The following AFAP1 variants were observed in gnomAD, a reference collection of about 807,000 sequenced individuals.
AFAP1 encodes the protein actin filament associated protein 1, also known as actin filament-associated protein 1.
In AFAP1, 75 loss-of-function variants were observed where a neutral mutation model predicts 93.9. That is an observed-to-expected ratio of 0.80 (90% CI 0.66 to 0.97). The LOEUF is 0.97. AFAP1 is among the 50% of genes least tolerant of loss of function. The probability of loss-of-function intolerance (pLI) is 0.00; values close to 1 mark genes in which losing one functional copy is unlikely to be tolerated. For missense variants in AFAP1, 1,201 were observed against 1,050.8 expected (o/e 1.14, Z -1.98); for synonymous variants, 517 against 430.7 (o/e 1.20, Z -2.48).
At chr4:7,803,489 T>C (rs1415584816) in intron 9 of AFAP1, among the ~76,000 whole-genome samples, 1 of 151,310 alleles carries the variant, frequency 6.6e-6, no homozygotes, top group Non-Finnish European at 1.5e-5. Flanking sequence ...AAGAGGGCAA[T>C]TCCTAGCCAC....
chr4:7,912,425 T>C (rs1266782287), intron 1 of AFAP1, among the ~76,000 whole-genome samples: 1 of 152,246 alleles, frequency 6.6e-6, no homozygotes, highest in Non-Finnish European at 1.5e-5. Flanking sequence ...GCCAGCCAAG[T>C]GTGAGTGATT....
chr4:7,766,143 A>C (rs1714535412), intron 17 of AFAP1, among the ~76,000 whole-genome samples: 1 of 152,222 alleles, frequency 6.6e-6, no homozygotes, highest in Admixed American at 6.5e-5. Context: ...CCAAGCCACA[A>C]TGCCGACAAC....
chr4:7,931,781 A>G (rs1721081297), intron 1 of AFAP1, among the ~76,000 whole-genome samples: 1 of 152,152 alleles, frequency 6.6e-6, no homozygotes, highest in Non-Finnish European at 1.5e-5. Context: ...ATGCATATAC[A>G]CAAAATTTTT....
At position 7,761,463 on chromosome 4, in the gene AFAP1, C is replaced by CT. The variant is rs1713786544; in HGVS notation, c.*2301dup. On this transcript the variant is annotated 3_prime_UTR_variant, in exon 18 of 18. Coordinates refer to ENST00000420658, the MANE Select transcript of AFAP1 (RefSeq NM_001134647.2). Reference sequence around the variant, plus strand: ...CAAGTCCCTGCTAAGGCTCCGGGGCCTCCTTGCCTGGTGAGGAAGCTGGTG... The same window carrying CT: ...CAAGTCCCTGCTAAGGCTCCGGGGCCTTCCTTGCCTGGTGAGGAAGCTGGTG... 6.6e-6 allele frequency: 1 copy of CT among 152,280 alleles called. No individual in the cohort carries two copies. Among genetic ancestry groups the CT allele is most frequent in the Admixed American group, 6.5e-5 (1 of 15,288 alleles). 9.4% of individuals were successfully genotyped at this position (152,280 alleles called of 1,614,324 possible).
At chr4:7,871,515 T>G (rs1717040141) in intron 2 of AFAP1, among the ~76,000 whole-genome samples, 1 of 152,242 alleles carries the variant, frequency 6.6e-6, no homozygotes, top group Non-Finnish European at 1.5e-5. Context: ...GCGTGTGCTC[T>G]GTGTGACCCT....
chr4:7,884,444 T>C (rs944536945), intron 1 of AFAP1, among the ~76,000 whole-genome samples: 2 of 152,136 alleles, frequency 1.3e-5, no homozygotes, highest in Admixed American at 1.3e-4. Flanking sequence ...GAAGAGAGAA[T>C]AGCCAGCCCT....
At chr4:7,875,277 C>T (rs1326396202) in intron 1 of AFAP1, among the ~76,000 whole-genome samples, 1 of 152,182 alleles carries the variant, frequency 6.6e-6, no homozygotes, top group Non-Finnish European at 1.5e-5. Flanking sequence ...AGGCTCTCAT[C>T]ATTTTAGGTA....
rs1159214602 is a variant in AFAP1, at chr4:7,762,298, A to T, written c.*1467T>A. ...CCCGCCATCTCTTCCTCTGTGTGAA[A>T]AAGGACATTCTGGACAGTGGACAGA... On this transcript the variant is annotated 3_prime_UTR_variant, in exon 18 of 18. Coordinates refer to ENST00000420658, the MANE Select transcript of AFAP1 (RefSeq NM_001134647.2). 1 of 152,216 alleles carries T rather than the reference A, an allele frequency of 6.6e-6. No homozygotes were observed. Among genetic ancestry groups the T allele is most frequent in the Non-Finnish European group, 1.5e-5 (1 of 68,056 alleles). The allele number at this position is 152,216 out of a possible 1,614,324, so 9.4% of individuals were successfully genotyped here.
intron 1 of AFAP1, among the ~76,000 whole-genome samples, chr4:7,922,106 C>G (rs1282131282): frequency 2.6e-5 from 4 of 152,130 alleles, no homozygotes; most frequent in African/African-American, 9.6e-5. Flanking sequence ...AGTGAGACTC[C>G]ATCTTGGAAA....
At chr4:7,900,935 C>T (rs1482740255) in intron 1 of AFAP1, among the ~76,000 whole-genome samples, 1 of 152,226 alleles carries the variant, frequency 6.6e-6, no homozygotes, top group African/African-American at 2.4e-5. Context: ...AAATTCACTT[C>T]TCTTGGTCCT....
intron 10 of AFAP1, among the ~76,000 whole-genome samples, chr4:7,795,465 A>T (rs1718324684): frequency 9.0e-6 from 1 of 111,088 alleles, no homozygotes; most frequent in Non-Finnish European, 1.7e-5. Context: ...TTGCTCTGTC[A>T]CTCAGACTGG....
intron 10 of AFAP1, among the ~76,000 whole-genome samples, chr4:7,795,147 A>G (rs891460870): frequency 6.6e-6 from 1 of 152,202 alleles, no homozygotes; most frequent in African/African-American, 2.4e-5. Flanking sequence ...AAAGGAAGGG[A>G]TGTTAACAAA....
intron 10 of AFAP1, among the ~76,000 whole-genome samples, chr4:7,797,617 C>T (rs1235198465): frequency 6.6e-6 from 1 of 152,160 alleles, no homozygotes; most frequent in East Asian, 1.9e-4. Flanking sequence ...GCTAAAGAGA[C>T]GCGGCAGCGG....
At chr4:7,782,293 A>G (rs957731500) in intron 12 of AFAP1, among the ~76,000 whole-genome samples, 1 of 152,242 alleles carries the variant, frequency 6.6e-6, no homozygotes, top group East Asian at 1.9e-4. Context: ...TTCTGGGGAC[A>G]TGAGACCACC....
At chr4:7,919,119 GA>G (rs1433121850) in intron 1 of AFAP1, among the ~76,000 whole-genome samples, 3 of 145,670 alleles carry the variant, frequency 2.1e-5, no homozygotes, top group African/African-American at 7.8e-5. Context: ...CAGATCACTA[GA>G]AAAACAGGGC....
chr4:7,823,708 G>A (rs1031604395), intron 6 of AFAP1, among the ~76,000 whole-genome samples: 1 of 152,132 alleles, frequency 6.6e-6, no homozygotes. Context: ...TTAGAATGGG[G>A]AACACAGACA....
chr4:7,918,526 C>T (rs943764063), intron 1 of AFAP1, among the ~76,000 whole-genome samples: 1 of 130,778 alleles, frequency 7.6e-6, no homozygotes, highest in Non-Finnish European at 1.6e-5. Flanking sequence ...AAGAGACACT[C>T]GGCCCAGGTC....
rs79360533 is a variant in AFAP1, at chr4:7,887,858, G to A, written c.-2-15778C>T. ...TTTTTTTTTTTTGAGATGGAGTCTC[G>A]CTCCATTGCCCAGGCTAGAGTGCAG... On this transcript the variant is annotated intron_variant, in intron 1 of 17. Coordinates refer to ENST00000420658, the MANE Select transcript of AFAP1 (RefSeq NM_001134647.2). 1.1e-4 allele frequency among the ~76,000 whole-genome samples: 16 copies of A among 150,076 alleles called. No homozygotes were observed. The East Asian group carries it at 2.5e-3, about 24-fold the overall frequency.
At chr4:7,860,512 T>C (rs906619933) in intron 3 of AFAP1, among the ~76,000 whole-genome samples, 2 of 152,210 alleles carry the variant, frequency 1.3e-5, no homozygotes, top group African/African-American at 2.4e-5. Flanking sequence ...CCTGGGATGC[T>C]TGATACATAT....
Sources: allele counts gnomAD v4.1 joint callset (sites outside exome capture counted in the v4.1 genomes callset), GRCh38; gene constraint gnomAD v4.1.1; transcripts MANE v1.5; gene names NCBI Gene and HGNC (gene_info 2026-07-23, HGNC 2026-07-21).